Variants in PPP1R14C observed in about 807,000 individuals in gnomAD.
The protein encoded by PPP1R14C is protein phosphatase 1 regulatory subunit 14C.
A neutral mutation model predicts 20.4 loss-of-function variants in PPP1R14C; 16 were observed. The ratio of observed to expected loss-of-function variants is 0.78; its 90% CI spans 0.53 to 1.19. PPP1R14C has a LOEUF of 1.19. Ranked by LOEUF, PPP1R14C falls within the 50% of genes most tolerant of loss-of-function variation. The pLI is 0.00. For missense variants in PPP1R14C, 211 were observed against 220.1 expected (o/e 0.96, Z 0.26); for synonymous variants, 91 against 91.0 (o/e 1.00, Z 0.00).
intron 1 of PPP1R14C, among the ~76,000 whole-genome samples, chr6:150,206,252 CA>C (rs1455099370): frequency 6.6e-6 from 1 of 152,206 alleles, no homozygotes; most frequent in East Asian, 1.9e-4. Flanking sequence ...AATTTTTCTG[CA>C]AAATATTTAT....
chr6:150,213,062 G>A (rs1051693197), intron 1 of PPP1R14C, among the ~76,000 whole-genome samples: 8 of 151,918 alleles, frequency 5.3e-5, no homozygotes, highest in African/African-American at 1.7e-4. Flanking sequence ...TGAAAATTAT[G>A]TCGAGGAGTA....
chr6:150,230,969 T>C (rs1025135169), intron 3 of PPP1R14C, among the ~76,000 whole-genome samples: 12 of 152,210 alleles, frequency 7.9e-5, no homozygotes, highest in Non-Finnish European at 1.2e-4. Flanking sequence ...GCTGTGGTGA[T>C]AATTACAAAA....
intron 3 of PPP1R14C, among the ~76,000 whole-genome samples, chr6:150,230,852 C>T (rs760016386): frequency 6.6e-6 from 1 of 151,308 alleles, no homozygotes; most frequent in Non-Finnish European, 1.5e-5. Context: ...GTAGTTTCCC[C>T]TTTTCCTACT....
At chr6:150,175,412 A>C (rs979187696) in intron 1 of PPP1R14C, among the ~76,000 whole-genome samples, 3 of 152,226 alleles carry the variant, frequency 2.0e-5, no homozygotes, top group Non-Finnish European at 4.4e-5. Flanking sequence ...CACAGTGGTC[A>C]TTTACTAAGG....
chr6:150,240,353 CAA>C (rs1778417143), intron 3 of PPP1R14C, among the ~76,000 whole-genome samples: 1 of 152,144 alleles, frequency 6.6e-6, no homozygotes, highest in Admixed American at 6.5e-5. Context: ...ACAAAACACA[CAA>C]AGCAATGAAA....
intron 3 of PPP1R14C, among the ~76,000 whole-genome samples, chr6:150,233,367 C>T (rs545921544): frequency 6.6e-6 from 1 of 152,282 alleles, no homozygotes; most frequent in East Asian, 1.9e-4. Context: ...TGACCATAGG[C>T]TAATTGATAT....
At chr6:150,241,704 T>A (rs1042155739) in intron 3 of PPP1R14C, among the ~76,000 whole-genome samples, 1 of 152,144 alleles carries the variant, frequency 6.6e-6, no homozygotes, top group Non-Finnish European at 1.5e-5. Flanking sequence ...CTAGCCAACA[T>A]GGCGAAACCC....
At chr6:150,238,906 T>G (rs187089876) in intron 3 of PPP1R14C, among the ~76,000 whole-genome samples, 2 of 152,132 alleles carry the variant, frequency 1.3e-5, no homozygotes, top group Non-Finnish European at 2.9e-5. Context: ...CGGGACCATG[T>G]AAAGAGGCCA....
intron 1 of PPP1R14C, among the ~76,000 whole-genome samples, chr6:150,174,431 T>A (rs553669918): frequency 1.3e-5 from 2 of 151,774 alleles, no homozygotes; most frequent in Non-Finnish European, 2.9e-5. Flanking sequence ...TTAGCCAGGA[T>A]GGTCTCGATC....
chr6:150,193,666 G>A (rs1777771655), intron 1 of PPP1R14C, among the ~76,000 whole-genome samples: 1 of 152,014 alleles, frequency 6.6e-6, no homozygotes, highest in Non-Finnish European at 1.5e-5. Flanking sequence ...AGGAGGGAGG[G>A]GATGACATCT....
At chr6:150,152,544 G>A (rs1265362912) in intron 1 of PPP1R14C, among the ~76,000 whole-genome samples, 1 of 152,036 alleles carries the variant, frequency 6.6e-6, no homozygotes. Flanking sequence ...AGTCCCTAAG[G>A]CAGCTCAGCA....
intron 1 of PPP1R14C, among the ~76,000 whole-genome samples, chr6:150,145,273 T>C (rs1232251983): frequency 6.6e-6 from 1 of 152,258 alleles, no homozygotes; most frequent in Non-Finnish European, 1.5e-5. Flanking sequence ...TTGAATCTTT[T>C]CCTTGTATTG....
intron 1 of PPP1R14C, among the ~76,000 whole-genome samples, chr6:150,187,527 A>G (rs906173153): frequency 1.3e-5 from 2 of 151,864 alleles, no homozygotes; most frequent in East Asian, 1.9e-4. Context: ...TTTAGCTTCT[A>G]CTTTTGGGAA....
chr6:150,239,946 C>T (rs372319754), intron 3 of PPP1R14C, among the ~76,000 whole-genome samples: 2 of 151,912 alleles, frequency 1.3e-5, no homozygotes, highest in Non-Finnish European at 2.9e-5. Flanking sequence ...CCCAGCTACT[C>T]GGGAGGCTGA....
Position 150,156,250 on chromosome 6 carries a change from A to T in PPP1R14C, c.306+12752A>T, listed in dbSNP as rs894952237. ...GTTAAAAGTTAGAAACTCACTTTAA[A>T]TAAGGCAAGGGATACAGAGTATATA... On this transcript the variant is annotated intron_variant, in intron 1 of 3. Transcript: ENST00000361131. Among the ~76,000 whole-genome samples the T allele has an allele frequency of 2.6e-5, 4 of 152,192 alleles. No individual in the cohort carries two copies. The South Asian group carries it at 8.3e-4, about 31-fold the overall frequency.
At chr6:150,229,207 G>A (rs1049895387) in intron 3 of PPP1R14C, among the ~76,000 whole-genome samples, 9 of 152,134 alleles carry the variant, frequency 5.9e-5, no homozygotes, top group African/African-American at 1.9e-4. Context: ...CCGGAAATGG[G>A]TTTCTTTTAT....
chr6:150,209,261 A>T lies in PPP1R14C; in HGVS notation c.307-5483A>T, dbSNP rs141295567. On this transcript the variant is annotated intron_variant, in intron 1 of 3. Transcript: ENST00000361131. ...CTATGTCTCCTAGAGCTTGGAGACC[A>T]TGATCCATCTTCAGGTGAGGTTTTA... Among the ~76,000 whole-genome samples the T allele has an allele frequency of 1.1e-3, 163 of 152,352 alleles. 6 individuals carry two copies. In the East Asian group the frequency reaches 0.029, roughly 27 times the overall value.
intron 1 of PPP1R14C, among the ~76,000 whole-genome samples, chr6:150,170,649 A>G (rs185816958): frequency 2.0e-5 from 3 of 152,222 alleles, no homozygotes; most frequent in Non-Finnish European, 4.4e-5. Context: ...CACCCGTGAT[A>G]TCGAAGTAGA....
intron 1 of PPP1R14C, among the ~76,000 whole-genome samples, chr6:150,169,536 CGTT>C (rs527424874): frequency 2.0e-5 from 3 of 152,212 alleles, no homozygotes; most frequent in South Asian, 4.2e-4. Context: ...AAAAGGTTGT[CGTT>C]GTTGTTAGAT....
Sources: allele counts gnomAD v4.1 joint callset (sites outside exome capture counted in the v4.1 genomes callset), GRCh38; gene constraint gnomAD v4.1.1; transcripts MANE v1.5; gene names NCBI Gene and HGNC (gene_info 2026-07-23, HGNC 2026-07-21).